Variants in C5 observed in about 807,000 individuals in gnomAD.
The protein encoded by C5 is C3 and PZP-like alpha-2-macroglobulin domain-containing protein 4.
In C5, 140 loss-of-function variants were observed where a neutral mutation model predicts 218.8. The ratio of observed to expected loss-of-function variants is 0.64; its 90% CI spans 0.56 to 0.74. The LOEUF is 0.74. Among genes scored for constraint, C5 ranks in the 30% least tolerant of loss-of-function variants. The pLI is 0.00. For missense variants in C5, 1,700 were observed against 1,969.6 expected (o/e 0.86, Z 2.59); for synonymous variants, 614 against 682.3 (o/e 0.90, Z 1.56).
upstream of C5, among the ~76,000 whole-genome samples, chr9:121,052,800 C>G (rs1369029730): frequency 6.6e-6 from 1 of 152,090 alleles, no homozygotes. Flanking sequence ...AATTTTGTAT[C>G]TTTCAAATGG....
Position 121,030,442 on chromosome 9 carries a change from A to G in C5, c.713T>C (p.Ile238Thr), listed in dbSNP as rs567288479. ...SVSIEPEYNF[I>T]GYKNFKNFEI... ...AAAATTCTTAAAGTTCTTGTAACCAATGAAATTATATTCTGGCTCGATTGA... is the reference window on the plus strand; with the variant it reads ...AAAATTCTTAAAGTTCTTGTAACCAGTGAAATTATATTCTGGCTCGATTGA... Residue 238 changes from isoleucine to threonine, a missense_variant, in exon 7 of 41, where the codon ATT becomes ACT. By Grantham distance (89) the Ile-to-Thr change is moderately conservative. Coordinates refer to ENST00000223642, the MANE Select transcript of C5 (RefSeq NM_001735.3). The G allele has an allele frequency of 5.1e-5, 79 of 1,545,390 alleles. No homozygotes were observed. The highest frequency in any genetic ancestry group is 7.8e-5 in the Admixed American group (4 of 51,146).
At chr9:121,043,486 C>T (rs1040622293) in intron 2 of C5, among the ~76,000 whole-genome samples, 1 of 152,054 alleles carries the variant, frequency 6.6e-6, no homozygotes, top group Non-Finnish European at 1.5e-5. Context: ...TTACCCCATG[C>T]TCCCCATTCC....
intron 20 of C5, among the ~76,000 whole-genome samples, chr9:120,998,993 G>C (rs967629471): frequency 6.6e-6 from 1 of 152,276 alleles, no homozygotes; most frequent in Non-Finnish European, 1.5e-5. Flanking sequence ...AGAAGCCAGA[G>C]CAAAAGACTA....
chr9:121,044,250 G>A (rs1304582632), intron 2 of C5, among the ~76,000 whole-genome samples: 5 of 152,060 alleles, frequency 3.3e-5, no homozygotes, highest in African/African-American at 9.7e-5. Context: ...CGAGGCGGGC[G>A]GATCACCTGA....
chr9:121,041,935 A>AT (rs1467764679), intron 3 of C5, among the ~76,000 whole-genome samples: 2 of 152,214 alleles, frequency 1.3e-5, no homozygotes, highest in East Asian at 3.8e-4. Context: ...TGAGCTGATC[A>AT]TAACAAATGC....
chr9:121,037,307 T>G (rs1464544220), intron 4 of C5, among the ~76,000 whole-genome samples: 7 of 151,440 alleles, frequency 4.6e-5, no homozygotes, highest in Admixed American at 6.6e-5. Context: ...TTTTGGTTTT[T>G]TTTTTTTTTT....
chr9:121,026,411 G>A (rs995491564), intron 8 of C5, among the ~76,000 whole-genome samples: 2 of 152,046 alleles, frequency 1.3e-5, no homozygotes, highest in Non-Finnish European at 2.9e-5. Flanking sequence ...GGCATATAAG[G>A]GAAATGATTC....
the C5 span, among the ~76,000 whole-genome samples, chr9:121,057,722 C>A: frequency 6.6e-6 from 1 of 151,774 alleles, no homozygotes; most frequent in Admixed American, 6.6e-5. Context: ...GAAGAGAGGA[C>A]CAACAAAACA....
chr9:121,017,643 C>T lies in C5; in HGVS notation c.1716G>A (p.Gln572=), dbSNP rs149506797. Residue 572 remains glutamine, a splice_region_variant and synonymous_variant, in exon 13 of 41, where the codon CAG becomes CAA. Coordinates refer to ENST00000223642, the MANE Select transcript of C5 (RefSeq NM_001735.3). ...TTGTGACTTATAATTTGTGGCTTAC[C>T]TGGAGCTGGTTGCCACATTTTTCTT... The part of the protein sequence containing the change: ...NIEEKCGNQL[Q]VHLSPDADAY... The T allele has an allele frequency of 2.5e-6, 4 of 1,612,272 alleles. No homozygotes were observed. In the African/African-American group the frequency reaches 5.3e-5, roughly 22 times the overall value.
In C5 at chr9:121,018,787, A is replaced by G. The variant is rs542551557; in HGVS notation, c.1507-935T>C. On this transcript the variant is annotated intron_variant, in intron 12 of 40. Transcript: ENST00000223642. ...GAAGGAAGGAAGGAAGGAAGGAAGG[A>G]AGGAAGGAAGGAAGAAAGAGTGAGT... Among the ~76,000 whole-genome samples, 6 of 149,020 alleles carry G rather than the reference A, an allele frequency of 4.0e-5. No individual in the cohort carries two copies. In the South Asian group the frequency reaches 1.3e-3, roughly 32 times the overall value.
At chr9:121,070,949 C>T in the C5 span, among the ~76,000 whole-genome samples, 65 of 152,276 alleles carry the variant, frequency 4.3e-4, no homozygotes, top group African/African-American at 1.4e-3. Context: ...AACCACTATA[C>T]ATTTATATGT....
intron 31 of C5, among the ~76,000 whole-genome samples, chr9:120,971,472 C>T (rs2046912932): frequency 6.6e-6 from 1 of 152,054 alleles, no homozygotes; most frequent in South Asian, 2.1e-4. Flanking sequence ...CGGAGTCTTG[C>T]TCTGTTGCCA....
Position 120,952,584 on chromosome 9 carries a change from T to G in C5, c.*155A>C. The G allele has an allele frequency of 1.5e-6, 1 of 681,234 alleles. No individual in the cohort carries two copies. Among genetic ancestry groups the G allele is most frequent in the Non-Finnish European group, 2.5e-6 (1 of 407,606 alleles). 42.2% of individuals were successfully genotyped at this position (681,234 alleles called of 1,614,324 possible). Reference sequence around the variant, plus strand: ...CAGAAAGTTACAGCATTTGAAATCATTCTCTAATAAAAGCAAGTGCCACTA... The same window carrying G: ...CAGAAAGTTACAGCATTTGAAATCAGTCTCTAATAAAAGCAAGTGCCACTA... On this transcript the variant is annotated 3_prime_UTR_variant, in exon 41 of 41. Coordinates refer to ENST00000223642, the MANE Select transcript of C5 (RefSeq NM_001735.3).
intron 2 of C5, among the ~76,000 whole-genome samples, chr9:121,044,521 T>C (rs1308578886): frequency 1.3e-5 from 2 of 152,082 alleles, no homozygotes; most frequent in Non-Finnish European, 2.9e-5. Flanking sequence ...AGAACAAAGA[T>C]GATCCATTAA....
Position 121,043,046 on chromosome 9 carries a change from A to G in C5, c.379T>C (p.Phe127Leu), listed in dbSNP as rs767957532. 3.1e-6 allele frequency: 5 copies of G among 1,613,008 alleles called. No homozygotes were observed. Among genetic ancestry groups the G allele is most frequent in the African/African-American group, 1.3e-5 (1 of 74,898 alleles). Reference sequence around the variant, plus strand: ...TAAACAGGTTTGTCTGTATGAATGAAGAGAAATCCATTGTCATAGGTTATT... The same window carrying G: ...TAAACAGGTTTGTCTGTATGAATGAGGAGAAATCCATTGTCATAGGTTATT... The part of the protein sequence containing the change: ...MPITYDNGFL[F>L]IHTDKPVYTP... Residue 127 changes from phenylalanine to leucine, a missense_variant, in exon 3 of 41, where the codon TTC (phenylalanine) becomes CTC (leucine). Phe to Leu is a conservative substitution (Grantham distance 22, BLOSUM62 0). Transcript: ENST00000223642.
intron 8 of C5, 23 bp downstream of exon 8, chr9:121,027,137 G>C: frequency 7.9e-7 from 1 of 1,270,710 alleles, no homozygotes; most frequent in East Asian, 2.3e-5. Context: ...GTAGGTGTGA[G>C]TGACTGTGTC....
At chr9:121,052,591 C>T (rs1020085759), upstream of C5, among the ~76,000 whole-genome samples, 2 of 151,936 alleles carry the variant, frequency 1.3e-5, no homozygotes, top group African/African-American at 4.8e-5. Context: ...TTGGTGGTCA[C>T]CTGACCTTCC....
chr9:120,957,187 A>C, intron 39 of C5, 98 bp downstream of exon 39: 1 of 848,644 alleles, frequency 1.2e-6, no homozygotes. Flanking sequence ...GCTCTGTCTT[A>C]TTTGAGTTGT....
rs562821593 is a variant in C5 at position 120,971,662 on chromosome 9, C to A, written c.4080+268G>T. Reference sequence around the variant, plus strand: ...CCGTGTTAGCCAGGGTGGTCTTGATCTCCTGACCTCGTGGTCTGCCCGCCT... The same window carrying A: ...CCGTGTTAGCCAGGGTGGTCTTGATATCCTGACCTCGTGGTCTGCCCGCCT... On this transcript the variant is annotated intron_variant, in intron 31 of 40. Transcript: ENST00000223642. Among the ~76,000 whole-genome samples the A allele has an allele frequency of 9.2e-5, 14 of 152,350 alleles. No individual in the cohort carries two copies. The East Asian group carries it at 1.9e-3, about 21-fold the overall frequency.
Sources: allele counts gnomAD v4.1 joint callset (sites outside exome capture counted in the v4.1 genomes callset), GRCh38; gene constraint gnomAD v4.1.1; transcripts MANE v1.5; gene names NCBI Gene and HGNC (gene_info 2026-07-23, HGNC 2026-07-21).